Variants in ZNF469 observed in about 807,000 individuals in gnomAD.
The protein encoded by ZNF469 is zinc finger protein 469.
In ZNF469, 1 loss-of-function variant was observed where a neutral mutation model predicts 1.0. The ratio of observed to expected loss-of-function variants is 1.00; its 90% CI spans 0.35 to 4.73. ZNF469 has a LOEUF of 4.73. ZNF469 is among the 30% of genes most tolerant of loss of function. The pLI, the probability that ZNF469 is intolerant of heterozygous loss-of-function variation, is 0.16. For synonymous variants in ZNF469, 2,703 were observed against 2,363.4 expected, an observed-to-expected ratio of 1.14 and a Z score of -4.17; for missense variants, 6,100 against 5,356.3, an observed-to-expected ratio of 1.14 and a Z score of -4.33.
the ZNF469 span, among the ~76,000 whole-genome samples, chr16:88,376,017 G>T: frequency 2.6e-5 from 4 of 152,388 alleles, no homozygotes; most frequent in South Asian, 8.3e-4. Context: ...GGAAGATTCA[G>T]TGGCCAGGTA....
chr16:88,149,641 C>T, the ZNF469 span, among the ~76,000 whole-genome samples: 6 of 152,152 alleles, frequency 3.9e-5, no homozygotes, highest in African/African-American at 1.4e-4. Flanking sequence ...CTGAAGAACC[C>T]CCCGCACCCC....
chr16:88,200,303 G>A, the ZNF469 span, among the ~76,000 whole-genome samples: 11 of 152,328 alleles, frequency 7.2e-5, no homozygotes, highest in East Asian at 3.9e-4. Flanking sequence ...AGCCCAAGAC[G>A]AGGGACATCT....
At chr16:88,284,268 C>T in the ZNF469 span, among the ~76,000 whole-genome samples, 2 of 152,210 alleles carry the variant, frequency 1.3e-5, no homozygotes, top group African/African-American at 2.4e-5. Flanking sequence ...GCTCAGTTTG[C>T]TGACAGAGCC....
chr16:88,362,225 A>G, the ZNF469 span, among the ~76,000 whole-genome samples: 6 of 152,220 alleles, frequency 3.9e-5, no homozygotes, highest in African/African-American at 1.4e-4. Context: ...ACCAATTCCA[A>G]TGGTATACAA....
rs1383898636 is a variant in ZNF469, at chr16:88,434,087, C to T, written c.6617C>T (p.Pro2206Leu). ...TCTTTGACAACAAGCCCCTGCGATCCCAAGGAAGCCCTGGCTGGTTGCCTT... is the reference window on the plus strand; with the variant it reads ...TCTTTGACAACAAGCCCCTGCGATCTCAAGGAAGCCCTGGCTGGTTGCCTT... ...PPSLTTSPCD[P>L]KEALAGCLLQ... Residue 2206 changes from proline (P) to leucine (L), a missense_variant, in exon 3 of 3, where the codon CCC becomes CTC. Transcript: ENST00000565624. 6.4e-6 allele frequency: 10 copies of T among 1,550,390 alleles called. No individual in the cohort carries two copies. The highest frequency in any genetic ancestry group is 7.0e-6 in the Non-Finnish European group (8 of 1,146,946).
At chr16:88,283,726 T>TA in the ZNF469 span, among the ~76,000 whole-genome samples, 8 of 152,228 alleles carry the variant, frequency 5.3e-5, no homozygotes, top group Admixed American at 3.9e-4. Context: ...CCCACCAAGG[T>TA]AGCTCAGCTG....
At position 88,436,340 on chromosome 16, in the gene ZNF469, G is replaced by A. The variant is rs1223004605; in HGVS notation, c.8870G>A (p.Gly2957Asp). 3 of 1,549,680 alleles carry A rather than the reference G, an allele frequency of 1.9e-6. No homozygotes were observed. Among genetic ancestry groups the A allele is most frequent in the Non-Finnish European group, 2.6e-6 (3 of 1,146,504 alleles). ...RVPGIDPWAP[G>D]LSLWALEPSR... Reference sequence around the variant, plus strand: ...CCTGGCATTGACCCCTGGGCCCCCGGCCTCAGCCTGTGGGCCCTGGAGCCC... The same window carrying A: ...CCTGGCATTGACCCCTGGGCCCCCGACCTCAGCCTGTGGGCCCTGGAGCCC... The change falls in exon 3 of 3, where the codon GGC becomes GAC. Residue 2957 changes from glycine to aspartate, a missense_variant. Physicochemically the swap from Gly to Asp is moderately conservative, Grantham distance 94. Transcript: ENST00000565624.
the ZNF469 span, among the ~76,000 whole-genome samples, chr16:88,352,202 C>T: frequency 7.2e-5 from 11 of 152,292 alleles, no homozygotes; most frequent in South Asian, 8.3e-4. Flanking sequence ...CGAGAGGGGA[C>T]GGGTGCACAA....
chr16:88,220,214 A>G, the ZNF469 span, among the ~76,000 whole-genome samples: 6 of 152,062 alleles, frequency 3.9e-5, no homozygotes, highest in African/African-American at 1.4e-4. Context: ...TCCCACCTAG[A>G]ATCTGCTACT....
upstream of ZNF469, among the ~76,000 whole-genome samples, chr16:88,382,491 T>C (rs1470698862): frequency 6.6e-6 from 1 of 152,088 alleles, no homozygotes; most frequent in African/African-American, 2.4e-5. Context: ...CTCCCACCTA[T>C]GAGAAAGCGT....
chr16:88,381,384 G>GCGA (rs1247136022), upstream of ZNF469, among the ~76,000 whole-genome samples: 4 of 131,602 alleles, frequency 3.0e-5, no homozygotes, highest in Non-Finnish European at 6.4e-5. Flanking sequence ...ACAGAGACAT[G>GCGA]CATTCACACA....
At chr16:88,262,284 C>T in the ZNF469 span, among the ~76,000 whole-genome samples, 1 of 152,188 alleles carries the variant, frequency 6.6e-6, no homozygotes, top group Non-Finnish European at 1.5e-5. This position sits in a 1 kb window ranked among gnomAD's most constrained non-coding sequence, Gnocchi z 4.3. Context: ...TGGACATACT[C>T]CAGAGGGTTT....
the ZNF469 span, among the ~76,000 whole-genome samples, chr16:88,265,873 C>G: frequency 0.041 from 6,239 of 152,272 alleles, 264 homozygotes; most frequent in East Asian, 0.17. Flanking sequence ...TGGTTTCTGT[C>G]CTTTGGTTTA....
At chr16:88,116,281 C>G in the ZNF469 span, among the ~76,000 whole-genome samples, 1 of 152,150 alleles carries the variant, frequency 6.6e-6, no homozygotes, top group South Asian at 2.1e-4. Flanking sequence ...GATTGCCACA[C>G]CCCCATGAGG....
At chr16:88,239,667 G>GTATATATATATA in the ZNF469 span, among the ~76,000 whole-genome samples, 3 of 28,214 alleles carry the variant, frequency 1.1e-4, no homozygotes, top group Non-Finnish European at 2.3e-4. Context: ...TTTTTTTTTT[G>GTATATATATATA]TATATATATA....
At chr16:88,118,079 A>G in the ZNF469 span, among the ~76,000 whole-genome samples, 1 of 152,200 alleles carries the variant, frequency 6.6e-6, no homozygotes, top group Non-Finnish European at 1.5e-5. Flanking sequence ...AGTAGCTGGG[A>G]CTACAGGCTC....
chr16:88,349,814 A>AC, the ZNF469 span, among the ~76,000 whole-genome samples: 4 of 137,984 alleles, frequency 2.9e-5, no homozygotes, highest in South Asian at 2.4e-4. Context: ...CACACATCAC[A>AC]AATGCACACA....
rs759829909 is a variant in ZNF469, at chr16:88,434,979, G to A, written c.7509G>A (p.Ala2503=). The change falls in exon 3 of 3, where the codon GCG becomes GCA. Residue 2503 remains alanine (A), a synonymous_variant. Coordinates refer to ENST00000565624, the MANE Select transcript of ZNF469 (RefSeq NM_001367624.2). ...RKHRPHPGAP[A]EPSPAALPAQ... is the part of the protein sequence containing the mutation. ...ACCGGCCACACCCGGGAGCCCCCGC[G>A]GAGCCGAGCCCAGCGGCCTTGCCTG... 9.7e-6 allele frequency: 15 copies of A among 1,549,998 alleles called. No homozygotes were observed. The East Asian group carries it at 9.8e-5, about 10-fold the overall frequency.
chr16:88,267,281 T>G, the ZNF469 span, among the ~76,000 whole-genome samples: 1 of 152,204 alleles, frequency 6.6e-6, no homozygotes. Context: ...ACCACATCGA[T>G]TCTTTCCCTG....
Sources: gnomAD v4.1 joint callset for allele counts (sites outside exome capture counted in the v4.1 genomes callset) on GRCh38, gnomAD v4.1.1 for gene constraint, Gnocchi (gnomAD v3.1) non-coding constraint, MANE v1.5 for transcripts, NCBI Gene and HGNC (gene_info 2026-07-23, HGNC 2026-07-21) for gene names.